The following ATP6V0A2 variants were observed in gnomAD, a reference collection of about 807,000 sequenced individuals.
ATP6V0A2 encodes the protein ATPase H+ transporting V0 subunit a2.
A neutral mutation model predicts 104.4 loss-of-function variants in ATP6V0A2; 58 were observed. That is an observed-to-expected ratio of 0.56 (90% CI 0.45 to 0.69). The LOEUF is 0.69. Among genes scored for constraint, ATP6V0A2 ranks in the 30% least tolerant of loss-of-function variants. The pLI, the probability that ATP6V0A2 is intolerant of heterozygous loss-of-function variation, is 0.00. For synonymous variants in ATP6V0A2, 376 were observed against 397.9 expected (o/e 0.95, Z 0.65); for missense variants, 938 against 1,062.9 (o/e 0.88, Z 1.63).
Position 123,728,040 on chromosome 12 carries a change from C to T in ATP6V0A2, c.648+131C>T, listed in dbSNP as rs1017903685. 3.9e-5 allele frequency: 45 copies of T among 1,165,966 alleles called. No individual in the cohort carries two copies. The African/African-American group carries it at 6.8e-4, about 18-fold the overall frequency. The allele number at this position is 1,165,966 out of a possible 1,614,324, so 72.2% of individuals were successfully genotyped here. Reference sequence around the variant, plus strand: ...TAACCTGATGCCTTATCTCTTCAACCACGTGTAGTGTGTATAGTTCCTGAA... The same window carrying T: ...TAACCTGATGCCTTATCTCTTCAACTACGTGTAGTGTGTATAGTTCCTGAA... On this transcript the variant is annotated intron_variant, in intron 6 of 19. Coordinates refer to ENST00000330342, the MANE Select transcript of ATP6V0A2 (RefSeq NM_012463.4).
intron 15 of ATP6V0A2, among the ~76,000 whole-genome samples, chr12:123,749,619 A>G (rs1183582884): frequency 6.6e-6 from 1 of 152,238 alleles, no homozygotes; most frequent in Admixed American, 6.5e-5. Flanking sequence ...AGTGCGTACG[A>G]ACGTGCTTGC....
rs746101674 is a variant in ATP6V0A2, at chr12:123,748,801, AC to A, written c.1935+19del. The A allele has an allele frequency of 4.4e-6, 7 of 1,594,674 alleles. No homozygotes were observed. The highest frequency in any genetic ancestry group is 6.0e-6 in the Non-Finnish European group (7 of 1,162,662). The stretch of plus-strand genomic sequence containing the variant: ...CACAGGGCAGGTGAGTCATCTTCCC[AC>A]CCTCATGAACTTAACGGAAGTATTC... On this transcript the variant is annotated intron_variant, in intron 15 of 19. Coordinates refer to ENST00000330342, the MANE Select transcript of ATP6V0A2 (RefSeq NM_012463.4).
chr12:123,719,251 T>A (rs971259397), intron 2 of ATP6V0A2, among the ~76,000 whole-genome samples: 12 of 152,224 alleles, frequency 7.9e-5, no homozygotes, highest in Non-Finnish European at 1.3e-4. Flanking sequence ...CCATTTCAAC[T>A]AAGCAGCCCA....
chr12:123,750,938 C>T, intron 15 of ATP6V0A2, 172 bp from the exon 16 acceptor site: 2 of 762,858 alleles, frequency 2.6e-6, no homozygotes, highest in Non-Finnish European at 4.4e-6. Flanking sequence ...TTCTAGAATT[C>T]AGCTATGAGT....
intron 18 of ATP6V0A2, 67 bp from the exon 19 acceptor site, chr12:123,756,748 G>A (rs1229029050): frequency 1.3e-6 from 2 of 1,567,348 alleles, no homozygotes; most frequent in Non-Finnish European, 8.8e-7. Flanking sequence ...ACTCAGTCCA[G>A]GTAGCTCACA....
In ATP6V0A2 at chr12:123,720,634, T is replaced by A. The variant is rs2135882500; in HGVS notation, c.197-1717T>A. ...GCTTGAGCCCAGGAGTTTGAGGTTA[T>A]TGTGGGCCAGGATGACACACCACTG... On this transcript the variant is annotated intron_variant, in intron 2 of 19. Coordinates refer to ENST00000330342, the MANE Select transcript of ATP6V0A2 (RefSeq NM_012463.4). 1.3e-5 allele frequency among the ~76,000 whole-genome samples: 2 copies of A among 152,132 alleles called. 1 individual carries two copies. Among genetic ancestry groups the A allele is most frequent in the South Asian group, 4.2e-4 (2 of 4,806 alleles).
Position 123,759,657 on chromosome 12 carries a change from G to A in ATP6V0A2, c.*1625G>A, listed in dbSNP as rs1956792238. The A allele has an allele frequency of 6.6e-6, 1 of 152,154 alleles. No individual in the cohort carries two copies. The highest frequency in any genetic ancestry group is 1.5e-5 in the Non-Finnish European group (1 of 68,040). 9.4% of individuals were successfully genotyped at this position (152,154 alleles called of 1,614,324 possible). On this transcript the variant is annotated 3_prime_UTR_variant, in exon 20 of 20. Coordinates refer to ENST00000330342, the MANE Select transcript of ATP6V0A2 (RefSeq NM_012463.4). The stretch of plus-strand genomic sequence containing the variant: ...GCATCCTCCTCTATCCTGTTTCGAG[G>A]TAGAGAGCTTGGCACTTCTGTTACA...
Position 123,744,436 on chromosome 12 carries a change from G to A in ATP6V0A2, c.1326+99G>A. On this transcript the variant is annotated intron_variant, in intron 11 of 19. Transcript: ENST00000330342. The surrounding 1 kb of genome is among the most constrained non-coding windows in gnomAD (Gnocchi z 5.4). ...TAGATGTTTGCTGTAGGCTGCGGCT[G>A]TGCTGGGCAGGTGTGTGGCCTGTCA... The A allele has an allele frequency of 6.3e-7, 1 of 1,580,536 alleles. No individual in the cohort carries two copies. Among genetic ancestry groups the A allele is most frequent in the African/African-American group, 1.3e-5 (1 of 74,296 alleles).
At chr12:123,737,013 C>G in intron 8 of ATP6V0A2, 46 bp from the exon 9 acceptor site, 1 of 1,594,054 alleles carries the variant, frequency 6.3e-7, no homozygotes, top group Non-Finnish European at 8.6e-7. Context: ...TGGACAGAAA[C>G]AAAAACATGC....
At position 123,716,612 on chromosome 12, in the gene ATP6V0A2, G is replaced by A. The variant is rs1956341992; in HGVS notation, c.118-2011G>A. ...TTGAGACCAGCCTGAACAACATGGCGAAACCCCATCTCTACCCAAAATACA... is the reference window on the plus strand; with the variant it reads ...TTGAGACCAGCCTGAACAACATGGCAAAACCCCATCTCTACCCAAAATACA... On this transcript the variant is annotated intron_variant, in intron 1 of 19. Transcript: ENST00000330342. Among the ~76,000 whole-genome samples, 3 of 151,750 alleles carry A rather than the reference G, an allele frequency of 2.0e-5. No individual in the cohort carries two copies. In the South Asian group the frequency reaches 6.2e-4, roughly 31 times the overall value.
At chr12:123,717,424 ATTTCT>A (rs1956354075) in intron 1 of ATP6V0A2, among the ~76,000 whole-genome samples, 1 of 145,798 alleles carries the variant, frequency 6.9e-6, no homozygotes, top group African/African-American at 2.5e-5. Context: ...ATAGACTGTA[ATTTCT>A]TTTCTTTTCT....
chr12:123,743,869 T>C lies in ATP6V0A2; in HGVS notation c.1123T>C (p.Phe375Leu), dbSNP rs766237749. 1.9e-6 allele frequency: 3 copies of C among 1,614,036 alleles called. No homozygotes were observed. Among genetic ancestry groups the C allele is most frequent in the African/African-American group, 2.7e-5 (2 of 74,908 alleles). ...TPPTRIRTNKFTEGFQNIVDA... is the reference protein window; with the variant it reads ...TPPTRIRTNKLTEGFQNIVDA... ...CCCCACTCGGATCCGCACCAACAAA[T>C]TCACCGAGGGATTTCAGAACATCGT... The change falls in exon 10 of 20, where the codon TTC becomes CTC. Residue 375 changes from phenylalanine to leucine, a missense_variant. Coordinates refer to ENST00000330342, the MANE Select transcript of ATP6V0A2 (RefSeq NM_012463.4).
At chr12:123,717,234 G>C (rs980151178) in intron 1 of ATP6V0A2, among the ~76,000 whole-genome samples, 38 of 148,966 alleles carry the variant, frequency 2.6e-4, no homozygotes, top group African/African-American at 6.7e-4. Flanking sequence ...AGAATCGCTT[G>C]AACCTGGAAG....
chr12:123,720,767 A>G (rs1956391694), intron 2 of ATP6V0A2, among the ~76,000 whole-genome samples: 1 of 152,070 alleles, frequency 6.6e-6, no homozygotes, highest in Non-Finnish European at 1.5e-5. Flanking sequence ...GGTGGTGCAC[A>G]TACCTATAGT....
At chr12:123,729,348 G>A (rs976313872) in intron 6 of ATP6V0A2, among the ~76,000 whole-genome samples, 3 of 67,730 alleles carry the variant, frequency 4.4e-5, no homozygotes, top group Non-Finnish European at 8.0e-5. Flanking sequence ...GCAAATCTTG[G>A]TATTTTGAAG....
At chr12:123,723,423 G>GT (rs1478640189) in intron 3 of ATP6V0A2, 6 of 150,296 alleles carry the variant, frequency 4.0e-5, no homozygotes, top group African/African-American at 1.5e-4. Flanking sequence ...TTTTAAGGAT[G>GT]TTTAGTATGT....
In ATP6V0A2 at chr12:123,744,169, G is replaced by C; in HGVS notation, c.1190-32G>C. On this transcript the variant is annotated intron_variant, in intron 10 of 19. Transcript: ENST00000330342. The surrounding 1 kb of genome is among the most constrained non-coding windows in gnomAD (Gnocchi z 5.4). ...AACTCAGGTTTTCCATATTTGCTGT[G>C]AATCAGAAATCTCTTTCCCTTTTTT... 1.9e-6 allele frequency: 3 copies of C among 1,613,890 alleles called. No homozygotes were observed. The highest frequency in any genetic ancestry group is 1.7e-6 in the Non-Finnish European group (2 of 1,179,940).
At chr12:123,742,733 G>A (rs1956621448) in intron 9 of ATP6V0A2, among the ~76,000 whole-genome samples, 1 of 151,962 alleles carries the variant, frequency 6.6e-6, no homozygotes, top group African/African-American at 2.4e-5. Context: ...CTACTTGGGA[G>A]GCTGAGGCAC....
chr12:123,735,066 G>A (rs894923325), intron 7 of ATP6V0A2, among the ~76,000 whole-genome samples: 5 of 152,094 alleles, frequency 3.3e-5, no homozygotes, highest in African/African-American at 7.2e-5. Context: ...TCTGGGTGCC[G>A]AGTGGCTGAG....
Sources: allele counts gnomAD v4.1 joint callset (sites outside exome capture counted in the v4.1 genomes callset), GRCh38; gene constraint gnomAD v4.1.1; non-coding constraint Gnocchi (gnomAD v3.1); transcripts MANE v1.5; gene names NCBI Gene and HGNC (gene_info 2026-07-23, HGNC 2026-07-21).